The following IPCEF1 variants were observed in gnomAD, a reference collection of about 807,000 sequenced individuals.
The protein encoded by IPCEF1 is interaction protein for cytohesin exchange factors 1.
In IPCEF1, 31 loss-of-function variants were observed where a neutral mutation model predicts 50.9. The ratio of observed to expected loss-of-function variants is 0.61; its 90% CI spans 0.46 to 0.82. The LOEUF (loss-of-function observed/expected upper bound fraction) is 0.82. Among genes scored for constraint, IPCEF1 ranks in the 40% least tolerant of loss-of-function variants. IPCEF1 has a pLI of 0.00. For missense variants in IPCEF1, 458 were observed against 514.0 expected, an observed-to-expected ratio of 0.89 and a Z score of 1.05; for synonymous variants, 181 against 192.0, an observed-to-expected ratio of 0.94 and a Z score of 0.47.
At chr6:154,346,435 C>T (rs1320242918) in intron 1 of IPCEF1, among the ~76,000 whole-genome samples, 1 of 152,066 alleles carries the variant, frequency 6.6e-6, no homozygotes, top group Non-Finnish European at 1.5e-5. Context: ...TTCTTCCCTC[C>T]TTTTTTCTAA....
intron 5 of IPCEF1, among the ~76,000 whole-genome samples, chr6:154,223,662 T>C (rs1421489080): frequency 2.0e-5 from 3 of 152,226 alleles, no homozygotes; most frequent in African/African-American, 7.2e-5. Flanking sequence ...TCTTGATATA[T>C]ATGGTGCCCA....
Position 154,337,566 on chromosome 6 carries a change from A to G in IPCEF1, c.-62+19106T>C, listed in dbSNP as rs147103490. On this transcript the variant is annotated intron_variant, in intron 1 of 11. Transcript: ENST00000367220. ...GTAGGCAAAGAGGCCAGGCCTCAGC[A>G]GCTGAATTAGCCAATGTATGTGAGT... 1.8e-3 allele frequency among the ~76,000 whole-genome samples: 269 copies of G among 152,362 alleles called. 1 individual carries two copies. Among genetic ancestry groups the G allele is most frequent in the African/African-American group, 6.1e-3 (254 of 41,590 alleles).
At chr6:154,186,000 C>G (rs952310263) in intron 10 of IPCEF1, among the ~76,000 whole-genome samples, 1 of 152,214 alleles carries the variant, frequency 6.6e-6, no homozygotes, top group Admixed American at 6.5e-5. Flanking sequence ...TGCTTGTGTT[C>G]TTTGCGGCCT....
intron 5 of IPCEF1, among the ~76,000 whole-genome samples, chr6:154,228,538 T>C (rs1779455052): frequency 6.6e-6 from 1 of 152,238 alleles, no homozygotes; most frequent in Admixed American, 6.5e-5. Flanking sequence ...ATTCAGCCCA[T>C]CTAGTTTTCC....
intron 2 of IPCEF1, among the ~76,000 whole-genome samples, chr6:154,278,609 A>T (rs1782125534): frequency 6.6e-6 from 1 of 152,142 alleles, no homozygotes. Flanking sequence ...TTCCTACATC[A>T]CATGCTTGAT....
chr6:154,233,635 G>A (rs1435453195), intron 5 of IPCEF1, among the ~76,000 whole-genome samples: 4 of 152,140 alleles, frequency 2.6e-5, no homozygotes, highest in African/African-American at 9.7e-5. Flanking sequence ...AATTGATTAC[G>A]CTAATGAGGA....
At chr6:154,236,738 G>C (rs1780165951) in intron 5 of IPCEF1, among the ~76,000 whole-genome samples, 1 of 152,132 alleles carries the variant, frequency 6.6e-6, no homozygotes, top group South Asian at 2.1e-4. Flanking sequence ...CTGTTGAACA[G>C]ACATAGAGGC....
intron 11 of IPCEF1, among the ~76,000 whole-genome samples, chr6:154,167,309 G>A (rs1176478144): frequency 6.6e-6 from 1 of 152,216 alleles, no homozygotes; most frequent in African/African-American, 2.4e-5. Context: ...AATAGCTTCA[G>A]TACTTCCTGT....
chr6:154,162,549 G>C (rs1198396700), intron 11 of IPCEF1, among the ~76,000 whole-genome samples: 1 of 152,162 alleles, frequency 6.6e-6, no homozygotes, highest in African/African-American at 2.4e-5. Context: ...TTCTTGAACA[G>C]TTTCATTGTT....
intron 5 of IPCEF1, among the ~76,000 whole-genome samples, chr6:154,242,072 A>G (rs377207680): frequency 3.9e-5 from 6 of 152,228 alleles, no homozygotes; most frequent in Non-Finnish European, 5.9e-5. Context: ...AATAAAATCT[A>G]TCTTGCTCGG....
intron 1 of IPCEF1, among the ~76,000 whole-genome samples, chr6:154,356,305 C>T (rs1304673708): frequency 2.0e-5 from 3 of 152,164 alleles, no homozygotes; most frequent in Admixed American, 6.5e-5. Flanking sequence ...CACACTTTCT[C>T]GAAAGAGGGC....
intron 1 of IPCEF1, among the ~76,000 whole-genome samples, chr6:154,341,020 GAAC>G (rs1373867341): frequency 1.3e-5 from 2 of 152,062 alleles, no homozygotes; most frequent in Non-Finnish European, 2.9e-5. Flanking sequence ...CCAAAAGGCA[GAAC>G]AACTTGAAGC....
chr6:154,281,072 G>A (rs1274448932), intron 2 of IPCEF1, among the ~76,000 whole-genome samples: 1 of 151,528 alleles, frequency 6.6e-6, no homozygotes, highest in African/African-American at 2.4e-5. Flanking sequence ...AGTCGCAGTG[G>A]CTCATGCCTG....
chr6:154,201,417 T>C (rs768096307), intron 9 of IPCEF1, among the ~76,000 whole-genome samples: 11 of 152,212 alleles, frequency 7.2e-5, no homozygotes, highest in Non-Finnish European at 1.5e-4. Context: ...AAAATAAAGA[T>C]TCAGCAACTC....
intron 1 of IPCEF1, among the ~76,000 whole-genome samples, chr6:154,342,262 A>G (rs570314530): frequency 1.2e-3 from 176 of 152,326 alleles, no homozygotes; most frequent in African/African-American, 3.9e-3. Context: ...CAGGTACAGA[A>G]CAAAGACAAG....
At position 154,235,645 on chromosome 6, in the gene IPCEF1, A is replaced by T. The variant is rs1780071587; in HGVS notation, c.246+10946T>A. 2.6e-5 allele frequency among the ~76,000 whole-genome samples: 4 copies of T among 152,302 alleles called. 1 individual carries two copies. The South Asian group carries it at 8.3e-4, about 32-fold the overall frequency. Reference sequence around the variant, plus strand: ...TGTGAAGTTATCAAATACTTCAGGAACTTTCAAATCTCTTCAAGCTGTTTT... The same window carrying T: ...TGTGAAGTTATCAAATACTTCAGGATCTTTCAAATCTCTTCAAGCTGTTTT... On this transcript the variant is annotated intron_variant, in intron 5 of 11. Transcript: ENST00000367220.
chr6:154,292,314 T>C (rs17085271), intron 1 of IPCEF1, among the ~76,000 whole-genome samples: 24,744 of 152,148 alleles, frequency 0.16, 2,186 homozygotes, highest in Middle Eastern at 0.23. Context: ...ACATAACAGG[T>C]TGGATTAATA....
intron 1 of IPCEF1, among the ~76,000 whole-genome samples, chr6:154,298,680 A>G (rs960089696): frequency 6.6e-6 from 1 of 152,154 alleles, no homozygotes; most frequent in Non-Finnish European, 1.5e-5. Flanking sequence ...TACCAACATT[A>G]TGGCTGGGCG....
Position 154,188,829 on chromosome 6 carries a change from G to A in IPCEF1, c.910+10839C>T, listed in dbSNP as rs78754466. On this transcript the variant is annotated intron_variant, in intron 10 of 11. Coordinates refer to ENST00000367220, the MANE Select transcript of IPCEF1 (RefSeq NM_001130700.2). ...TTTGCATATGGAGTAAGATGATATT[G>A]TATCTCATTCATGGAACACATCAAA... Among the ~76,000 whole-genome samples the A allele has an allele frequency of 6.4e-3, 976 of 152,236 alleles. 36 individuals carry two copies. The East Asian group carries it at 0.086, about 13-fold the overall frequency.
Sources: allele counts gnomAD v4.1 joint callset (sites outside exome capture counted in the v4.1 genomes callset), GRCh38; gene constraint gnomAD v4.1.1; transcripts MANE v1.5; gene names NCBI Gene and HGNC (gene_info 2026-07-23, HGNC 2026-07-21).